SLA2: variants seen among roughly 807,000 people sequenced by gnomAD.
SLA2 encodes the protein src-like-adapter 2.
In SLA2, 22 loss-of-function variants were observed where a neutral mutation model predicts 27.3. The observed-to-expected ratio is 0.81, with a 90% CI of 0.58 to 1.15. The LOEUF is 1.15. Among genes scored for constraint, SLA2 ranks in the 50% most tolerant of loss-of-function variants. The probability of loss-of-function intolerance (pLI) is 0.00; values close to 1 mark genes in which losing one functional copy is unlikely to be tolerated. For synonymous variants in SLA2, 131 were observed against 137.8 expected (o/e 0.95, Z 0.34); for missense variants, 304 against 322.2 (o/e 0.94, Z 0.43).
Position 36,614,381 on chromosome 20 carries a change from C to A in SLA2, c.589G>T (p.Gly197Cys), listed in dbSNP as rs754831050. 2.5e-6 allele frequency: 4 copies of A among 1,614,032 alleles called. No individual in the cohort carries two copies. In the East Asian group the frequency reaches 8.9e-5, roughly 36 times the overall value. The stretch of plus-strand genomic sequence containing the variant: ...GGTATATCCTTGCCAGGGAGCGGGC[C>A]AGCCCTCTGCAGGACACAGGGCTCC... ...LKEPCVLQRA[G>C]PLPGKDIPLP... The change falls in exon 7 of 8, where the codon GGC (glycine) becomes TGC (cysteine). Residue 197 changes from glycine (G) to cysteine (C), a missense_variant. Physicochemically the swap from Gly to Cys is radical, Grantham distance 159. Coordinates refer to ENST00000262866, the MANE Select transcript of SLA2 (RefSeq NM_032214.4).
At chr20:36,625,914 C>T (rs1210563391) in intron 5 of SLA2, among the ~76,000 whole-genome samples, 1 of 151,004 alleles carries the variant, frequency 6.6e-6, no homozygotes. Flanking sequence ...CACCTGAGGT[C>T]AGAAGTTCAA....
chr20:36,643,751 A>G (rs1484943793), intron 1 of SLA2, among the ~76,000 whole-genome samples: 1 of 152,192 alleles, frequency 6.6e-6, no homozygotes, highest in African/African-American at 2.4e-5. Context: ...CAGGAGTTTG[A>G]GACCAGCCTG....
chr20:36,635,148 A>G (rs547272622), intron 2 of SLA2, among the ~76,000 whole-genome samples: 243 of 151,826 alleles, frequency 1.6e-3, no homozygotes, highest in Middle Eastern at 0.01. Flanking sequence ...GCCCTCAGCC[A>G]CCCCAGAGGG....
intron 5 of SLA2, among the ~76,000 whole-genome samples, chr20:36,631,383 G>A (rs6071709): frequency 0.89 from 135,183 of 152,206 alleles, 60,182 homozygotes; most frequent in African/African-American, 0.91. Flanking sequence ...CAAATTTCTG[G>A]GCACAAGTGA....
chr20:36,632,558 CG>C (rs1670988875), intron 5 of SLA2, 36 bp downstream of exon 5: 2 of 1,533,320 alleles, frequency 1.3e-6, no homozygotes, highest in Admixed American at 1.7e-5. Context: ...GAGACCTCCA[CG>C]TAGGGAGGGC....
At chr20:36,636,415 A>T (rs1241682448) in intron 2 of SLA2, among the ~76,000 whole-genome samples, 2 of 135,764 alleles carry the variant, frequency 1.5e-5, no homozygotes, top group Non-Finnish European at 3.1e-5. Flanking sequence ...GCGACAGAGC[A>T]AGACTCCGTC....
intron 5 of SLA2, among the ~76,000 whole-genome samples, chr20:36,618,632 G>A (rs1046356496): frequency 2.0e-5 from 3 of 151,968 alleles, no homozygotes; most frequent in African/African-American, 7.2e-5. Flanking sequence ...TAGGCTGGGC[G>A]CAGTGGCTCA....
Position 36,633,437 on chromosome 20 carries a change from TC to T in SLA2, c.278+105del, listed in dbSNP as rs964012132. ...TGAGGGCAGGACCTGGGTTCGATTC[TC>T]CCCCATCCCCAGCTTTGCTCAGCGC... On this transcript the variant is annotated intron_variant, in intron 4 of 7. Transcript: ENST00000262866. 3.2e-6 allele frequency: 3 copies of T among 947,460 alleles called. No homozygotes were observed. In the African/African-American group the frequency reaches 4.8e-5, roughly 15 times the overall value. 58.7% of individuals were successfully genotyped at this position (947,460 alleles called of 1,614,324 possible).
chr20:36,626,768 C>T (rs1229525274), intron 5 of SLA2, among the ~76,000 whole-genome samples: 3 of 147,098 alleles, frequency 2.0e-5, no homozygotes, highest in Non-Finnish European at 3.0e-5. Flanking sequence ...GGCGTGAAAC[C>T]GGGAGGCAGA....
intron 1 of SLA2, among the ~76,000 whole-genome samples, chr20:36,645,477 A>G (rs1439451907): frequency 3.9e-5 from 6 of 152,270 alleles, no homozygotes; most frequent in African/African-American, 1.4e-4. Context: ...TACAGCTGAA[A>G]TGTCTTGAGA....
rs1384527242 is a variant in SLA2, at chr20:36,619,577, T to TA, written c.383-4204dup. Among the ~76,000 whole-genome samples, 3 of 151,152 alleles carry TA rather than the reference T, an allele frequency of 2.0e-5. No individual in the cohort carries two copies. In the East Asian group the frequency reaches 5.8e-4, roughly 29 times the overall value. On this transcript the variant is annotated intron_variant, in intron 5 of 7. Transcript: ENST00000262866. ...GGGAGGGTCACTTGAGGCTAAGAAT[T>TA]AAAGACCAGCCTGGTCAACATAGAG...
intron 5 of SLA2, chr20:36,621,321 T>TA (rs2039279713): frequency 1.6e-6 from 1 of 612,712 alleles, no homozygotes; most frequent in Non-Finnish European, 3.1e-6. Flanking sequence ...ATTATGGACC[T>TA]ATGAAAGGAG....
Position 36,614,375 on chromosome 20 carries a change from G to A in SLA2, c.595C>T (p.Leu199Phe). 1 of 1,614,132 alleles carries A rather than the reference G, an allele frequency of 6.2e-7. No individual in the cohort carries two copies. Among genetic ancestry groups the A allele is most frequent in the Non-Finnish European group, 8.5e-7 (1 of 1,180,018 alleles). The change falls in exon 7 of 8, where the codon CTC (leucine) becomes TTC (phenylalanine). Residue 199 changes from leucine to phenylalanine, a missense_variant. Transcript: ENST00000262866. ...EPCVLQRAGP[L>F]PGKDIPLPVT... ...GGTAGGGGTATATCCTTGCCAGGGA[G>A]CGGGCCAGCCCTCTGCAGGACACAG...
intron 5 of SLA2, among the ~76,000 whole-genome samples, chr20:36,629,635 A>G (rs2039373995): frequency 6.6e-6 from 1 of 152,094 alleles, no homozygotes; most frequent in East Asian, 1.9e-4. Context: ...TTAGTTGGGC[A>G]TGGTGGCATG....
At chr20:36,629,293 G>C (rs1056687135) in intron 5 of SLA2, among the ~76,000 whole-genome samples, 3 of 151,670 alleles carry the variant, frequency 2.0e-5, no homozygotes, top group African/African-American at 7.3e-5. Flanking sequence ...TCAAACTCCT[G>C]ACCTCAGGTG....
chr20:36,615,112 G>A lies in SLA2; in HGVS notation c.532+113C>T, dbSNP rs199904234. ...GACTGGCGTGAAAATAGGGGAGGCC[G>A]CTCTTCTGTCTGTCTGAATACTCCA... On this transcript the variant is annotated intron_variant, in intron 6 of 7. Coordinates refer to ENST00000262866, the MANE Select transcript of SLA2 (RefSeq NM_032214.4). 160 of 1,518,144 alleles carry A rather than the reference G, an allele frequency of 1.1e-4. 1 individual carries two copies. The African/African-American group carries it at 1.9e-3, about 18-fold the overall frequency. 94.0% of individuals were successfully genotyped at this position (1,518,144 alleles called of 1,614,324 possible). A position where few individuals can be genotyped will look rare whatever the true frequency, so the allele number is the denominator to read the frequency against.
intron 2 of SLA2, among the ~76,000 whole-genome samples, chr20:36,635,795 T>G (rs1025309450): frequency 6.6e-6 from 1 of 152,086 alleles, no homozygotes; most frequent in Non-Finnish European, 1.5e-5. Flanking sequence ...AGCCCTGGCC[T>G]TGCACTCCCG....
chr20:36,613,709 G>A lies in SLA2; in HGVS notation c.*157C>T. On this transcript the variant is annotated 3_prime_UTR_variant, in exon 8 of 8. Coordinates refer to ENST00000262866, the MANE Select transcript of SLA2 (RefSeq NM_032214.4). ...GAAGTAGGTGACTTCTAAGGGCTAA[G>A]AGAGGAAAGAGCAAGGGTACAGGTG... 1.2e-6 allele frequency: 1 copy of A among 863,178 alleles called. No individual in the cohort carries two copies. Among genetic ancestry groups the A allele is most frequent in the South Asian group, 1.8e-5 (1 of 55,384 alleles). 53.5% of individuals were successfully genotyped at this position (863,178 alleles called of 1,614,324 possible).
chr20:36,612,689 A>G lies in SLA2; in HGVS notation c.*1177T>C, dbSNP rs1291099803. On this transcript the variant is annotated 3_prime_UTR_variant, in exon 8 of 8. Coordinates refer to ENST00000262866, the MANE Select transcript of SLA2 (RefSeq NM_032214.4). ...CCTGATCCCTTAGCGGATCCAGCAG[A>G]CCTCTTTCTGTTTATGGAGGCAGCA... 9.5e-6 allele frequency: 2 copies of G among 211,050 alleles called. No individual in the cohort carries two copies. Among genetic ancestry groups the G allele is most frequent in the Non-Finnish European group, 2.0e-5 (2 of 102,068 alleles). 13.1% of individuals were successfully genotyped at this position (211,050 alleles called of 1,614,324 possible).
Sources: allele counts gnomAD v4.1 joint callset (sites outside exome capture counted in the v4.1 genomes callset), GRCh38; gene constraint gnomAD v4.1.1; transcripts MANE v1.5; gene names NCBI Gene and HGNC (gene_info 2026-07-23, HGNC 2026-07-21).